MAST4: variants seen among roughly 807,000 people sequenced by gnomAD.
MAST4 encodes the protein microtubule associated serine/threonine kinase family member 4, also known as microtubule-associated serine/threonine-protein kinase 4.
In MAST4, 89 loss-of-function variants were observed where a neutral mutation model predicts 162.7. The observed-to-expected ratio is 0.55, with a 90% CI of 0.46 to 0.65. The LOEUF is 0.65. Ranked by LOEUF, MAST4 falls within the 30% of genes least tolerant of loss-of-function variation. MAST4 has a pLI of 0.00. For missense variants in MAST4, 3,153 were observed against 3,374.0 expected (o/e 0.93, Z 1.62); for synonymous variants, 1,479 against 1,361.1 (o/e 1.09, Z -1.91).
chr5:66,710,991 A>T (rs1371144645), intron 1 of MAST4, among the ~76,000 whole-genome samples: 1 of 152,188 alleles, frequency 6.6e-6, no homozygotes, highest in Non-Finnish European at 1.5e-5. Context: ...AAGCATCCTC[A>T]TCTCCTTCAA....
At chr5:67,144,124 A>G (rs1770749503) in intron 21 of MAST4, among the ~76,000 whole-genome samples, 1 of 152,154 alleles carries the variant, frequency 6.6e-6, no homozygotes, top group Admixed American at 6.5e-5. Flanking sequence ...TGTGATTTGT[A>G]AGCGAAACAA....
intron 28 of MAST4, 82 bp downstream of exon 28, chr5:67,162,870 C>A: frequency 7.1e-7 from 1 of 1,405,734 alleles, no homozygotes. Context: ...GAAGCTTGTT[C>A]CAGCTGAAAG....
intron 23 of MAST4, 132 bp from the exon 24 acceptor site, chr5:67,149,257 C>T (rs976067376): frequency 3.7e-5 from 27 of 733,438 alleles, no homozygotes; most frequent in Admixed American, 3.6e-4. Flanking sequence ...CGCCTGACAC[C>T]GTCTGGACTT....
At chr5:66,888,786 G>A (rs1375861206) in intron 3 of MAST4, among the ~76,000 whole-genome samples, 1 of 152,192 alleles carries the variant, frequency 6.6e-6, no homozygotes, top group East Asian at 1.9e-4. Flanking sequence ...TGGACAGTGA[G>A]GTTGGTGTGG....
In MAST4 at chr5:66,958,985, A is replaced by G. The variant is rs960948322; in HGVS notation, c.674+59003A>G. 1.4e-5 allele frequency: 6 copies of G among 420,148 alleles called. No individual in the cohort carries two copies. The Admixed American group carries it at 1.5e-4, about 10-fold the overall frequency. The allele number at this position is 420,148 out of a possible 1,614,324, so 26.0% of individuals were successfully genotyped here. A position where few individuals can be genotyped will look rare whatever the true frequency, so the allele number is the denominator to read the frequency against. ...AAAAAAAAAAAAAAATCAGAAACCA[A>G]TTACTTGATATGCAGAGCTGCAAGC... On this transcript the variant is annotated intron_variant, in intron 4 of 28. Coordinates refer to ENST00000403625, the MANE Select transcript of MAST4 (RefSeq NM_001164664.2).
intron 3 of MAST4, among the ~76,000 whole-genome samples, chr5:66,806,883 C>A (rs901207822): frequency 1.2e-4 from 19 of 152,104 alleles, no homozygotes; most frequent in African/African-American, 4.6e-4. Flanking sequence ...CTAATTTCTT[C>A]CTTTGGCTTT....
intron 3 of MAST4, among the ~76,000 whole-genome samples, chr5:66,865,024 G>A (rs1455716062): frequency 6.6e-6 from 1 of 152,186 alleles, no homozygotes; most frequent in Admixed American, 6.5e-5. Flanking sequence ...GCCCATGAAA[G>A]AGAGAACAGG....
Position 66,625,212 on chromosome 5 carries a change from T to G in MAST4, c.363+28194T>G, listed in dbSNP as rs1369839450. Among the ~76,000 whole-genome samples, 4 of 152,148 alleles carry G rather than the reference T, an allele frequency of 2.6e-5. No individual in the cohort carries two copies. The South Asian group carries it at 6.2e-4, about 24-fold the overall frequency. ...TTCTCCAGCAAGATTATATTGCATA[T>G]GGGATTCAGGTTGAGATAAATGAAA... On this transcript the variant is annotated intron_variant, in intron 1 of 28. Transcript: ENST00000403625.
intron 2 of MAST4, 32 bp from the exon 3 acceptor site, chr5:66,788,638 C>A (rs1381325860): frequency 6.9e-7 from 1 of 1,445,606 alleles, no homozygotes; most frequent in Non-Finnish European, 9.3e-7. Context: ...GGCTGCCTGT[C>A]ACTTACATTT....
intron 3 of MAST4, among the ~76,000 whole-genome samples, chr5:66,815,079 A>G (rs1223113120): frequency 6.6e-6 from 1 of 152,242 alleles, no homozygotes; most frequent in Non-Finnish European, 1.5e-5. Flanking sequence ...TTACATTTGA[A>G]GGAATAGACT....
intron 1 of MAST4, among the ~76,000 whole-genome samples, chr5:66,664,471 G>C (rs186134393): frequency 2.7e-5 from 4 of 146,440 alleles, no homozygotes; most frequent in African/African-American, 1.0e-4. Context: ...AAAATCAGGA[G>C]TTTAGTTTTG....
At chr5:67,075,711 T>C (rs1055179807) in intron 5 of MAST4, among the ~76,000 whole-genome samples, 1 of 152,178 alleles carries the variant, frequency 6.6e-6, no homozygotes, top group Non-Finnish European at 1.5e-5. Flanking sequence ...GCTGTAACTA[T>C]ATGTCATAAA....
At chr5:67,028,261 A>G (rs956662032) in intron 4 of MAST4, among the ~76,000 whole-genome samples, 2 of 152,118 alleles carry the variant, frequency 1.3e-5, no homozygotes, top group Non-Finnish European at 2.9e-5. Context: ...AGGCAAAACA[A>G]CAACAACAAC....
chr5:66,913,828 A>G (rs28761774), intron 4 of MAST4, among the ~76,000 whole-genome samples: 1 of 152,208 alleles, frequency 6.6e-6, no homozygotes, highest in Non-Finnish European at 1.5e-5. Flanking sequence ...AGGGTGAGAT[A>G]TGGATTGAAG....
Position 67,032,973 on chromosome 5 carries a change from G to A in MAST4, c.675-21431G>A, listed in dbSNP as rs148833086. ...CAGGTGAATTTCAATCCAACACTAAGATAATTACTTTATGTTGTAGAATCA... is the reference window on the plus strand; with the variant it reads ...CAGGTGAATTTCAATCCAACACTAAAATAATTACTTTATGTTGTAGAATCA... On this transcript the variant is annotated intron_variant, in intron 4 of 28. Transcript: ENST00000403625. Among the ~76,000 whole-genome samples the A allele has an allele frequency of 5.4e-3, 819 of 152,030 alleles. 8 individuals are homozygous for A. Among genetic ancestry groups the A allele is most frequent in the African/African-American group, 0.019 (774 of 41,474 alleles).
intron 23 of MAST4, among the ~76,000 whole-genome samples, chr5:67,146,514 C>T (rs1481296539): frequency 6.6e-6 from 1 of 152,168 alleles, no homozygotes; most frequent in Admixed American, 6.5e-5. Flanking sequence ...AAGCTACGTT[C>T]AATATGCTGT....
chr5:66,886,478 A>T (rs968166520), intron 3 of MAST4, among the ~76,000 whole-genome samples: 1 of 151,826 alleles, frequency 6.6e-6, no homozygotes, highest in African/African-American at 2.4e-5. Flanking sequence ...CTTTGTTCTA[A>T]CGTCGATTCT....
intron 4 of MAST4, among the ~76,000 whole-genome samples, chr5:66,980,710 A>G (rs1202094537): frequency 2.6e-5 from 4 of 152,238 alleles, no homozygotes; most frequent in African/African-American, 7.2e-5. Context: ...TAATTCATCT[A>G]GGGCCAGAAC....
intron 1 of MAST4, among the ~76,000 whole-genome samples, chr5:66,635,528 A>G (rs1745054455): frequency 6.6e-6 from 1 of 152,218 alleles, no homozygotes; most frequent in East Asian, 1.9e-4. Flanking sequence ...AAATTAGTAT[A>G]GGAATATGAA....
Sources: allele counts gnomAD v4.1 joint callset (sites outside exome capture counted in the v4.1 genomes callset), GRCh38; gene constraint gnomAD v4.1.1; transcripts MANE v1.5; gene names NCBI Gene and HGNC (gene_info 2026-07-23, HGNC 2026-07-21).